Variants in CCDC91 observed in about 807,000 individuals in gnomAD.
CCDC91 encodes coiled-coil domain-containing protein 91.
CCDC91 carries 48 observed loss-of-function variants against 63.2 expected under a neutral mutation model. The observed-to-expected ratio is 0.76, with a 90% CI of 0.60 to 0.97. The LOEUF is 0.97. Ranked by LOEUF, CCDC91 falls within the 50% of genes least tolerant of loss-of-function variation. The pLI, the probability that CCDC91 is intolerant of heterozygous loss-of-function variation, is 0.00. For missense variants in CCDC91, 500 were observed against 494.6 expected (o/e 1.01, Z -0.10); for synonymous variants, 167 against 165.8 (o/e 1.01, Z -0.06).
intron 1 of CCDC91, among the ~76,000 whole-genome samples, chr12:28,202,519 G>T (rs1942536878): frequency 6.6e-6 from 1 of 152,198 alleles, no homozygotes; most frequent in Non-Finnish European, 1.5e-5. Flanking sequence ...TCTCTGCATG[G>T]TTAGTACTGG....
At chr12:28,257,839 G>A (rs1946548455) in intron 2 of CCDC91, among the ~76,000 whole-genome samples, 1 of 151,554 alleles carries the variant, frequency 6.6e-6, no homozygotes, top group Admixed American at 6.6e-5. Flanking sequence ...TTATTTTTAT[G>A]GAGCCAGTAT....
At chr12:28,528,147 A>G (rs996485877) in intron 12 of CCDC91, among the ~76,000 whole-genome samples, 8 of 152,078 alleles carry the variant, frequency 5.3e-5, no homozygotes, top group East Asian at 1.9e-4. Context: ...AATTGTTGCA[A>G]AGTTCCACTG....
intron 11 of CCDC91, among the ~76,000 whole-genome samples, chr12:28,471,897 T>A (rs1314189600): frequency 6.6e-6 from 1 of 152,034 alleles, no homozygotes; most frequent in Non-Finnish European, 1.5e-5. Flanking sequence ...ATTACAGGCG[T>A]CTGCCATCAT....
chr12:28,532,501 A>T (rs896585942), intron 12 of CCDC91, among the ~76,000 whole-genome samples: 6 of 152,128 alleles, frequency 3.9e-5, no homozygotes, highest in South Asian at 2.1e-4. Flanking sequence ...TATGCATAAG[A>T]TATATTACAA....
At chr12:28,312,425 G>A (rs1247714749) in intron 6 of CCDC91, among the ~76,000 whole-genome samples, 1 of 151,920 alleles carries the variant, frequency 6.6e-6, no homozygotes, top group Admixed American at 6.6e-5. Flanking sequence ...ACCTGATTCA[G>A]GAAGAATTTA....
At chr12:28,192,838 A>G (rs777959099) in intron 1 of CCDC91, among the ~76,000 whole-genome samples, 6 of 152,196 alleles carry the variant, frequency 3.9e-5, no homozygotes, top group Non-Finnish European at 5.9e-5. Flanking sequence ...AAGTCTGACA[A>G]ATGCATATAA....
intron 1 of CCDC91, among the ~76,000 whole-genome samples, chr12:28,194,375 C>T (rs1241977397): frequency 2.0e-5 from 3 of 152,098 alleles, no homozygotes; most frequent in African/African-American, 7.2e-5. Flanking sequence ...TCTTGCTGAC[C>T]TCAAGAATGA....
At chr12:28,392,661 T>C (rs1946024027) in intron 8 of CCDC91, among the ~76,000 whole-genome samples, 1 of 152,212 alleles carries the variant, frequency 6.6e-6, no homozygotes, top group Admixed American at 6.5e-5. Flanking sequence ...CCACATTCTT[T>C]TCTTTTGTTC....
intron 11 of CCDC91, among the ~76,000 whole-genome samples, chr12:28,480,502 G>A (rs11049654): frequency 0.21 from 31,697 of 151,904 alleles, 4,334 homozygotes; most frequent in Non-Finnish European, 0.31. Context: ...TTTACACAAA[G>A]TAGGTATTTA....
chr12:28,305,867 A>G (rs1169256935), intron 4 of CCDC91, 61 bp downstream of exon 4: 2 of 1,384,786 alleles, frequency 1.4e-6, no homozygotes, highest in African/African-American at 2.9e-5. Flanking sequence ...TGCTAATTTA[A>G]TTGTTGCTTT....
intron 12 of CCDC91, among the ~76,000 whole-genome samples, chr12:28,486,432 A>G (rs551307967): frequency 1.3e-5 from 2 of 152,242 alleles, no homozygotes; most frequent in East Asian, 1.9e-4. Flanking sequence ...TTAATAGTAT[A>G]TGGCCAATCT....
At chr12:28,519,919 A>G (rs1592935002) in intron 12 of CCDC91, among the ~76,000 whole-genome samples, 1 of 151,948 alleles carries the variant, frequency 6.6e-6, no homozygotes, top group South Asian at 2.1e-4. Flanking sequence ...TTATGGCTGC[A>G]TAGTATTCCA....
At chr12:28,387,540 T>C (rs908078438) in intron 7 of CCDC91, among the ~76,000 whole-genome samples, 1 of 152,068 alleles carries the variant, frequency 6.6e-6, no homozygotes, top group African/African-American at 2.4e-5. Context: ...CCTCACCCCC[T>C]TCCTACCCTT....
intron 12 of CCDC91, among the ~76,000 whole-genome samples, chr12:28,502,541 C>T (rs977487508): frequency 9.3e-5 from 14 of 149,844 alleles, no homozygotes; most frequent in African/African-American, 2.7e-4. Context: ...CCATCCCCAT[C>T]AAGCTACCAA....
chr12:28,326,354 GATTTTT>G (rs1320911506), intron 6 of CCDC91, among the ~76,000 whole-genome samples: 14 of 150,214 alleles, frequency 9.3e-5, no homozygotes, highest in South Asian at 4.2e-4. Flanking sequence ...ATGTTTGAAT[GATTTTT>G]ATTTTTATTT....
At chr12:28,296,703 G>A (rs917277290) in intron 3 of CCDC91, among the ~76,000 whole-genome samples, 2 of 151,686 alleles carry the variant, frequency 1.3e-5, no homozygotes, top group Non-Finnish European at 3.0e-5. Context: ...ATAGAAACAA[G>A]GATTTTCTAA....
At chr12:28,285,580 G>T (rs1445811929) in intron 3 of CCDC91, among the ~76,000 whole-genome samples, 1 of 151,660 alleles carries the variant, frequency 6.6e-6, no homozygotes, top group Non-Finnish European at 1.5e-5. Context: ...GCAGCAATTT[G>T]CCAATAGGAC....
At chr12:28,464,853 G>T (rs929885355) in intron 11 of CCDC91, among the ~76,000 whole-genome samples, 1 of 152,088 alleles carries the variant, frequency 6.6e-6, no homozygotes, top group Non-Finnish European at 1.5e-5. Context: ...ATACTAGCTC[G>T]GTCTCAGTGG....
intron 6 of CCDC91, among the ~76,000 whole-genome samples, chr12:28,324,327 T>C (rs1940786951): frequency 6.6e-6 from 1 of 151,898 alleles, no homozygotes; most frequent in African/African-American, 2.4e-5. Flanking sequence ...AATGATTGTT[T>C]CTTTCACTCT....
Sources: gnomAD v4.1 joint callset for allele counts (sites outside exome capture counted in the v4.1 genomes callset) on GRCh38, gnomAD v4.1.1 for gene constraint, MANE v1.5 for transcripts, NCBI Gene and HGNC (gene_info 2026-07-23, HGNC 2026-07-21) for gene names.